Variants in SRPK2 observed in about 807,000 individuals in gnomAD.
SRPK2 encodes SFRS protein kinase 2.
A neutral mutation model predicts 90.8 loss-of-function variants in SRPK2; 21 were observed. That is an observed-to-expected ratio of 0.23 (90% CI 0.16 to 0.33). The LOEUF (loss-of-function observed/expected upper bound fraction) is 0.33, where lower values mean the gene tolerates loss of function less well. Among genes scored for constraint, SRPK2 ranks in the 10% least tolerant of loss-of-function variants. The pLI is 1.00. For missense variants in SRPK2, 620 were observed against 869.0 expected, an observed-to-expected ratio of 0.71 and a Z score of 3.60; for synonymous variants, 288 against 311.1, an observed-to-expected ratio of 0.93 and a Z score of 0.78.
intron 2 of SRPK2, among the ~76,000 whole-genome samples, chr7:105,358,871 C>T (rs4730078): frequency 0.18 from 27,454 of 151,704 alleles, 3,145 homozygotes; most frequent in East Asian, 0.58. Flanking sequence ...CACCTAATTT[C>T]AGTGAGGGTC....
intron 2 of SRPK2, among the ~76,000 whole-genome samples, chr7:105,216,669 A>AG (rs1335183517): frequency 0.015 from 2,199 of 149,150 alleles, 50 homozygotes; most frequent in African/African-American, 0.044. Flanking sequence ...AAAAAAAAAA[A>AG]AGAGAGAGAG....
At chr7:105,370,939 A>G (rs751152901) in intron 2 of SRPK2, among the ~76,000 whole-genome samples, 5 of 152,040 alleles carry the variant, frequency 3.3e-5, no homozygotes, top group Non-Finnish European at 5.9e-5. Flanking sequence ...TAAACTTACT[A>G]GCAAAGCTTT....
intron 3 of SRPK2, among the ~76,000 whole-genome samples, chr7:105,185,250 TA>T (rs1485915688): frequency 6.6e-6 from 1 of 150,734 alleles, no homozygotes; most frequent in South Asian, 2.1e-4. Context: ...AAGAAAAAAT[TA>T]AAAAAAGAGA....
intron 2 of SRPK2, among the ~76,000 whole-genome samples, chr7:105,372,966 G>A (rs930783989): frequency 6.6e-6 from 1 of 152,136 alleles, no homozygotes; most frequent in African/African-American, 2.4e-5. Flanking sequence ...TCATGTGCCT[G>A]TAATCCCAGC....
At chr7:105,160,466 AT>A (rs747177350) in intron 7 of SRPK2, 40 bp downstream of exon 7, 1 of 1,193,188 alleles carries the variant, frequency 8.4e-7, no homozygotes, top group African/African-American at 1.5e-5. Flanking sequence ...AGCCTAACCA[AT>A]TAGGTACTAG....
At chr7:105,173,306 C>T (rs989194792) in intron 3 of SRPK2, among the ~76,000 whole-genome samples, 25 of 152,110 alleles carry the variant, frequency 1.6e-4, no homozygotes, top group African/African-American at 6.0e-4. Flanking sequence ...AAGTATAACG[C>T]ACTTAACTTA....
intron 2 of SRPK2, among the ~76,000 whole-genome samples, chr7:105,331,418 A>C (rs1814390105): frequency 6.6e-6 from 1 of 151,870 alleles, no homozygotes; most frequent in Non-Finnish European, 1.5e-5. Context: ...AAAGAGTTAC[A>C]AATAAAAAAT....
intron 2 of SRPK2, among the ~76,000 whole-genome samples, chr7:105,331,337 A>AAAAAAAAAAAAAAAAAAAAAAAAAAC (rs1554512429): frequency 2.1e-5 from 3 of 141,828 alleles, no homozygotes; most frequent in Non-Finnish European, 4.6e-5. Flanking sequence ...AAAAAAAAAA[A>AAAAAAAAAAAAAAAAAAAAAAAAAAC]CAAATAGTTA....
chr7:105,200,834 C>CA (rs1795454211), intron 3 of SRPK2, among the ~76,000 whole-genome samples: 1 of 152,164 alleles, frequency 6.6e-6, no homozygotes, highest in African/African-American at 2.4e-5. Context: ...AAAGAAATTA[C>CA]AAAAACAAGA....
intron 11 of SRPK2, among the ~76,000 whole-genome samples, chr7:105,141,282 T>C (rs1023643773): frequency 2.0e-5 from 3 of 152,206 alleles, no homozygotes; most frequent in Non-Finnish European, 4.4e-5. Context: ...TTACTCGCTG[T>C]GTGTTAAACA....
Position 105,250,445 on chromosome 7 carries a change from A to C in SRPK2, c.72-46660T>G, listed in dbSNP as rs546484080. ...AAAACCTGATGTGTTGCATCACTGG[A>C]CAAAAGTTGGCTGTGTTGGATTTAC... On this transcript the variant is annotated intron_variant, in intron 2 of 15. Transcript: ENST00000393651. Among the ~76,000 whole-genome samples the C allele has an allele frequency of 2.0e-5, 3 of 152,240 alleles. No homozygotes were observed. In the South Asian group the frequency reaches 6.2e-4, roughly 32 times the overall value.
At chr7:105,397,504 A>G (rs114418272) in intron 1 of SRPK2, among the ~76,000 whole-genome samples, 2,858 of 149,402 alleles carry the variant, frequency 0.019, 58 homozygotes, top group African/African-American at 0.052. Context: ...TAATTTTTGT[A>G]TATTTTTTAG....
At chr7:105,349,815 C>T (rs1365600884) in intron 2 of SRPK2, among the ~76,000 whole-genome samples, 1 of 151,942 alleles carries the variant, frequency 6.6e-6, no homozygotes, top group African/African-American at 2.4e-5. Context: ...CTCAGCTCAC[C>T]GCAACCTCCA....
intron 2 of SRPK2, among the ~76,000 whole-genome samples, chr7:105,339,579 T>C (rs550925361): frequency 6.6e-6 from 1 of 152,314 alleles, no homozygotes; most frequent in African/African-American, 2.4e-5. Flanking sequence ...CAATGGCATC[T>C]CTCCAAGTAT....
At position 105,385,156 on chromosome 7, in the gene SRPK2, G is replaced by A. The variant is rs1406447841; in HGVS notation, c.71+3492C>T. On this transcript the variant is annotated intron_variant, in intron 2 of 15. Transcript: ENST00000393651. ...CAAAGTGCTGGGATTACAGGCGTGA[G>A]CCACCGCGCCCGGCATTTTTTTTTT... Among the ~76,000 whole-genome samples, 4 of 127,980 alleles carry A rather than the reference G, an allele frequency of 3.1e-5. No homozygotes were observed. The South Asian group carries it at 7.9e-4, about 25-fold the overall frequency. The allele number at this position is 127,980 out of a possible 152,430, so 84.0% of individuals were successfully genotyped here. A position where few individuals can be genotyped will look rare whatever the true frequency, so the allele number is the denominator to read the frequency against.
intron 2 of SRPK2, among the ~76,000 whole-genome samples, chr7:105,222,475 AG>A (rs1798214968): frequency 6.6e-6 from 1 of 152,266 alleles, no homozygotes; most frequent in Admixed American, 6.5e-5. Context: ...CAATAACTGA[AG>A]ACAATAGTCT....
At chr7:105,198,712 C>G (rs760537312) in intron 3 of SRPK2, among the ~76,000 whole-genome samples, 1 of 152,122 alleles carries the variant, frequency 6.6e-6, no homozygotes, top group Non-Finnish European at 1.5e-5. Flanking sequence ...TTCTTATGAG[C>G]CTCGTATCAG....
chr7:105,386,296 A>T (rs1167114921), intron 2 of SRPK2, among the ~76,000 whole-genome samples: 2 of 140,398 alleles, frequency 1.4e-5, no homozygotes, highest in Non-Finnish European at 3.1e-5. Context: ...CCTGGGCAAC[A>T]GAGCAAGACT....
At chr7:105,287,247 C>A (rs1370731509) in intron 2 of SRPK2, among the ~76,000 whole-genome samples, 1 of 100,960 alleles carries the variant, frequency 9.9e-6, no homozygotes, top group African/African-American at 4.1e-5. Flanking sequence ...GGCGACAGAG[C>A]GAGACTCCGT....
Sources: allele counts gnomAD v4.1 joint callset (sites outside exome capture counted in the v4.1 genomes callset), GRCh38; gene constraint gnomAD v4.1.1; transcripts MANE v1.5; gene names NCBI Gene and HGNC (gene_info 2026-07-23, HGNC 2026-07-21).